The following MYO5B variants were observed in gnomAD, a reference collection of about 807,000 sequenced individuals.
MYO5B encodes the protein myosin VB.
A neutral mutation model predicts 229.3 loss-of-function variants in MYO5B; 143 were observed. That is an observed-to-expected ratio of 0.62 (90% CI 0.54 to 0.72). The LOEUF is 0.72. Among genes scored for constraint, MYO5B ranks in the 30% least tolerant of loss-of-function variants. The pLI is 0.00. For synonymous variants in MYO5B, 918 were observed against 885.2 expected, an observed-to-expected ratio of 1.04 and a Z score of -0.66; for missense variants, 2,321 against 2,331.0, an observed-to-expected ratio of 1.00 and a Z score of 0.09.
intron 1 of MYO5B, among the ~76,000 whole-genome samples, chr18:50,127,179 CTG>C (rs1463885607): frequency 6.6e-6 from 1 of 152,218 alleles, no homozygotes; most frequent in African/African-American, 2.4e-5. Context: ...TCCCACCACA[CTG>C]TGGCACTTAC....
At chr18:49,998,964 A>G (rs745328390) in intron 5 of MYO5B, among the ~76,000 whole-genome samples, 2 of 152,242 alleles carry the variant, frequency 1.3e-5, no homozygotes, top group African/African-American at 2.4e-5. Context: ...AAATGCCACT[A>G]AACTGTACAC....
intron 5 of MYO5B, among the ~76,000 whole-genome samples, chr18:49,998,560 C>T (rs1044424921): frequency 2.6e-5 from 4 of 152,140 alleles, no homozygotes; most frequent in Admixed American, 6.5e-5. Flanking sequence ...AAAGCATTTC[C>T]AAAGCAAGAA....
intron 34 of MYO5B, among the ~76,000 whole-genome samples, chr18:49,842,342 T>C (rs549929884): frequency 1.3e-5 from 2 of 152,260 alleles, no homozygotes; most frequent in South Asian, 2.1e-4. Flanking sequence ...TAAAATTGCC[T>C]GTGGAGGGCA....
chr18:50,139,820 C>T (rs1043002890), intron 1 of MYO5B, among the ~76,000 whole-genome samples: 3 of 152,208 alleles, frequency 2.0e-5, no homozygotes, highest in Non-Finnish European at 2.9e-5. Context: ...CCATTCTCTT[C>T]ACAGCTCCAA....
At chr18:49,884,429 G>A (rs1175412681) in intron 22 of MYO5B, among the ~76,000 whole-genome samples, 1 of 151,782 alleles carries the variant, frequency 6.6e-6, no homozygotes, top group African/African-American at 2.4e-5. Flanking sequence ...TAGAATCAGT[G>A]GGAGCCCTGA....
At chr18:49,935,236 C>G (rs558797049) in intron 16 of MYO5B, among the ~76,000 whole-genome samples, 1 of 152,228 alleles carries the variant, frequency 6.6e-6, no homozygotes, top group African/African-American at 2.4e-5. Context: ...TTAAACCATG[C>G]TGTATGGTGG....
At chr18:49,887,013 T>C (rs2024650435) in intron 22 of MYO5B, among the ~76,000 whole-genome samples, 1 of 152,130 alleles carries the variant, frequency 6.6e-6, no homozygotes. Context: ...AGGTGGGGCC[T>C]GGTGAGAGGT....
At chr18:49,911,657 C>T (rs1453096427) in intron 18 of MYO5B, among the ~76,000 whole-genome samples, 3 of 152,206 alleles carry the variant, frequency 2.0e-5, no homozygotes, top group African/African-American at 7.2e-5. Context: ...AGGGCCCAGT[C>T]ACAACTGTTT....
chr18:50,042,806 C>A (rs1248296576), intron 2 of MYO5B, among the ~76,000 whole-genome samples: 1 of 152,174 alleles, frequency 6.6e-6, no homozygotes, highest in Non-Finnish European at 1.5e-5. Flanking sequence ...GAAGGCAGCA[C>A]AGGGACCGCC....
chr18:49,886,599 T>G (rs182975098), intron 22 of MYO5B, among the ~76,000 whole-genome samples: 5 of 151,618 alleles, frequency 3.3e-5, no homozygotes, highest in Admixed American at 2.6e-4. Context: ...TGCATCAAAC[T>G]AATTATACCA....
At chr18:50,093,180 CCA>C (rs3075642) in intron 1 of MYO5B, among the ~76,000 whole-genome samples, 13,002 of 148,430 alleles carry the variant, frequency 0.088, 931 homozygotes, top group African/African-American at 0.2. Flanking sequence ...GAGCTTTGTG[CCA>C]CACACACACA....
chr18:50,007,230 T>C (rs1280946863), intron 4 of MYO5B, among the ~76,000 whole-genome samples: 1 of 152,182 alleles, frequency 6.6e-6, no homozygotes, highest in African/African-American at 2.4e-5. Flanking sequence ...TCTATGTAAG[T>C]GGCACCAGTA....
intron 5 of MYO5B, among the ~76,000 whole-genome samples, chr18:49,995,411 G>A (rs910313573): frequency 1.5e-5 from 2 of 131,098 alleles, no homozygotes; most frequent in African/African-American, 5.4e-5. Context: ...CCCACCACCA[G>A]GCCTGGATAA....
At chr18:49,945,069 C>T (rs2025356555) in intron 14 of MYO5B, among the ~76,000 whole-genome samples, 1 of 152,190 alleles carries the variant, frequency 6.6e-6, no homozygotes, top group African/African-American at 2.4e-5. Context: ...GTTCTGCTTC[C>T]TCTAATCTTC....
At chr18:49,962,199 T>C (rs1469485573) in intron 12 of MYO5B, 67 bp downstream of exon 12, 4 of 1,600,986 alleles carry the variant, frequency 2.5e-6, no homozygotes, top group East Asian at 2.2e-5. Context: ...ACCTTTGAGA[T>C]CTTATGTGAT....
At chr18:50,058,580 G>A (rs2030609557) in intron 1 of MYO5B, among the ~76,000 whole-genome samples, 1 of 152,224 alleles carries the variant, frequency 6.6e-6, no homozygotes, top group Admixed American at 6.5e-5. Flanking sequence ...GGAGGCCGAG[G>A]TAGGTGGATC....
At position 50,020,078 on chromosome 18, in the gene MYO5B, C is replaced by T. The variant is rs532857639; in HGVS notation, c.455+16772G>A. On this transcript the variant is annotated intron_variant, in intron 4 of 39. Transcript: ENST00000285039. ...CTTAGCAAAGCCTGCAGCTCCACAC[C>T]CTACCCTCAGTCACCTGTCTCATGA... is the stretch of plus-strand genomic sequence containing the variant. Among the ~76,000 whole-genome samples, 359 of 152,278 alleles carry T rather than the reference C, an allele frequency of 2.4e-3. 1 individual carries two copies. The highest frequency in any genetic ancestry group is 4.3e-3 in the Non-Finnish European group (293 of 68,024).
intron 1 of MYO5B, among the ~76,000 whole-genome samples, chr18:50,126,162 T>G (rs1198043063): frequency 6.6e-6 from 1 of 152,154 alleles, no homozygotes; most frequent in Admixed American, 6.5e-5. Flanking sequence ...TTATGTGTAT[T>G]TTACCACAAC....
intron 33 of MYO5B, among the ~76,000 whole-genome samples, chr18:49,845,752 T>C (rs2144046053): frequency 6.6e-6 from 1 of 152,270 alleles, no homozygotes; most frequent in Admixed American, 6.5e-5. Flanking sequence ...AGGGGGATGC[T>C]GGACTGGGTT....
Sources: allele counts gnomAD v4.1 joint callset (sites outside exome capture counted in the v4.1 genomes callset), GRCh38; gene constraint gnomAD v4.1.1; transcripts MANE v1.5; gene names NCBI Gene and HGNC (gene_info 2026-07-23, HGNC 2026-07-21).